The following TOX4 variants were observed in gnomAD, a reference collection of about 807,000 sequenced individuals.
TOX4 encodes the protein epidermal Langerhans cell protein LCP1.
TOX4 carries 12 observed loss-of-function variants against 61.0 expected under a neutral mutation model. That is an observed-to-expected ratio of 0.20 (90% CI 0.13 to 0.32). The LOEUF (loss-of-function observed/expected upper bound fraction) is 0.32. Among genes scored for constraint, TOX4 ranks in the 10% least tolerant of loss-of-function variants. The probability of loss-of-function intolerance (pLI) is 1.00; values close to 1 mark genes in which losing one functional copy is unlikely to be tolerated. For missense variants in TOX4, 499 were observed against 753.3 expected, an observed-to-expected ratio of 0.66 and a Z score of 3.95; for synonymous variants, 268 against 274.8, an observed-to-expected ratio of 0.98 and a Z score of 0.24.
chr14:21,485,348 G>A lies in TOX4; in HGVS notation c.76-2103G>A, dbSNP rs1476854087. 4.7e-5 allele frequency among the ~76,000 whole-genome samples: 5 copies of A among 105,358 alleles called. 1 individual carries two copies. Among genetic ancestry groups the A allele is most frequent in the African/African-American group, 1.8e-4 (5 of 27,764 alleles). The allele number at this position is 105,358 out of a possible 152,430, so 69.1% of individuals were successfully genotyped here. ...GAGAATCACTTGAACCTGGGAGGCG[G>A]AGGTTGCGGTGAGCTGAGATCACGC... On this transcript the variant is annotated intron_variant, in intron 2 of 8. Coordinates refer to ENST00000448790, the MANE Select transcript of TOX4 (RefSeq NM_014828.4).
In TOX4 at chr14:21,497,198, A is replaced by G. The variant is rs1269341600; in HGVS notation, c.*592A>G. 2 of 152,342 alleles carry G rather than the reference A, an allele frequency of 1.3e-5. No homozygotes were observed. The highest frequency in any genetic ancestry group is 2.9e-5 in the Non-Finnish European group (2 of 68,138). The allele number at this position is 152,342 out of a possible 1,614,324, so 9.4% of individuals were successfully genotyped here. ...TGAGTTATCACAGTTCATGAATCTA[A>G]GAGGCGGAACTCTACATCATTAGTA... On this transcript the variant is annotated 3_prime_UTR_variant, in exon 9 of 9. Transcript: ENST00000448790.
intron 7 of TOX4, among the ~76,000 whole-genome samples, chr14:21,493,513 C>T (rs1014047751): frequency 2.2e-4 from 34 of 152,146 alleles, no homozygotes; most frequent in African/African-American, 8.0e-4. Flanking sequence ...GCGATCTCGG[C>T]TCACTGCAAC....
In TOX4 at chr14:21,498,078, A is replaced by G. The variant is rs1435434458; in HGVS notation, c.*1472A>G. 2 of 584,398 alleles carry G rather than the reference A, an allele frequency of 3.4e-6. No individual in the cohort carries two copies. The highest frequency in any genetic ancestry group is 6.1e-6 in the Non-Finnish European group (2 of 329,710). The allele number at this position is 584,398 out of a possible 1,614,324, so 36.2% of individuals were successfully genotyped here. ...TACTCCCATTTCACATATAATACTG[A>G]GAGATGAGTTGCACAAGATTATACA... On this transcript the variant is annotated 3_prime_UTR_variant, in exon 9 of 9. Coordinates refer to ENST00000448790, the MANE Select transcript of TOX4 (RefSeq NM_014828.4).
chr14:21,480,658 G>A (rs1891091891), intron 2 of TOX4, among the ~76,000 whole-genome samples: 1 of 151,978 alleles, frequency 6.6e-6, no homozygotes, highest in South Asian at 2.1e-4. Flanking sequence ...ACTGTAATTA[G>A]GAACTTCCTT....
intron 7 of TOX4, 54 bp downstream of exon 7, chr14:21,493,311 T>A: frequency 2.0e-6 from 3 of 1,531,718 alleles, no homozygotes; most frequent in Non-Finnish European, 2.6e-6. Context: ...AAAATGTTTT[T>A]GGTTGACCCA....
intron 5 of TOX4, among the ~76,000 whole-genome samples, chr14:21,491,868 G>A (rs1218857723): frequency 5.9e-5 from 9 of 151,446 alleles, no homozygotes; most frequent in African/African-American, 2.2e-4. Context: ...AAAATTAGCC[G>A]GGCGTGGTGG....
intron 2 of TOX4, among the ~76,000 whole-genome samples, chr14:21,484,105 A>G (rs1891155702): frequency 1.3e-5 from 2 of 152,128 alleles, no homozygotes. Context: ...CACCACTACC[A>G]GCTGAGAACT....
intron 2 of TOX4, among the ~76,000 whole-genome samples, chr14:21,483,076 C>T (rs1891134639): frequency 6.6e-6 from 1 of 152,144 alleles, no homozygotes; most frequent in Admixed American, 6.5e-5. Context: ...TTTCCCAGTT[C>T]ATTTTATGTA....
chr14:21,496,531 CTT>C lies in TOX4; in HGVS notation c.1806-11_1806-10del, dbSNP rs778135944. 2.1e-5 allele frequency: 34 copies of C among 1,608,928 alleles called. No individual in the cohort carries two copies. The African/African-American group carries it at 3.9e-4, about 18-fold the overall frequency. ...TGTGTATAATTCTGTTTGTGTATGTCTTTTTCTCTCTTAGGGATGTATTCTTG... is the reference window on the plus strand; with the variant it reads ...TGTGTATAATTCTGTTTGTGTATGTCTTTCTCTCTTAGGGATGTATTCTTG... On this transcript the variant is annotated splice_polypyrimidine_tract_variant and intron_variant, in intron 8 of 8. Transcript: ENST00000448790.
In TOX4 at chr14:21,498,684, G is replaced by C; in HGVS notation, c.*2078G>C. ...GCTAGCAGCATGTGTTTTAAGCTCT[G>C]TTAAGGGGTGAAAGATGTAATTATT... On this transcript the variant is annotated 3_prime_UTR_variant, in exon 9 of 9. Transcript: ENST00000448790. The C allele has an allele frequency of 1.0e-5, 5 of 476,396 alleles. No individual in the cohort carries two copies. The South Asian group carries it at 1.4e-4, about 13-fold the overall frequency. 29.5% of individuals were successfully genotyped at this position (476,396 alleles called of 1,614,324 possible). A position where few individuals can be genotyped will look rare whatever the true frequency, so the allele number is the denominator to read the frequency against.
intron 2 of TOX4, among the ~76,000 whole-genome samples, chr14:21,478,718 T>C (rs983569646): frequency 3.3e-5 from 5 of 152,210 alleles, no homozygotes; most frequent in African/African-American, 1.2e-4. Context: ...GAATTGTCAG[T>C]GGCTGTTGCA....
At chr14:21,492,175 A>G in intron 5 of TOX4, 121 bp from the exon 6 acceptor site, 1 of 908,846 alleles carries the variant, frequency 1.1e-6, no homozygotes, top group Admixed American at 2.7e-5. Context: ...ATTCACTGAT[A>G]GAGGTTGTCA....
chr14:21,498,360 A>G lies in TOX4; in HGVS notation c.*1754A>G, dbSNP rs757850433. 1 of 1,614,152 alleles carries G rather than the reference A, an allele frequency of 6.2e-7. No individual in the cohort carries two copies. The highest frequency in any genetic ancestry group is 8.5e-7 in the Non-Finnish European group (1 of 1,180,022). ...GGTGGATCCCATCCAGTTGGTTTCC[A>G]AGGGTGATCCTGAAACAGTGTAAAA... On this transcript the variant is annotated 3_prime_UTR_variant, in exon 9 of 9. Transcript: ENST00000448790.
At chr14:21,488,934 T>C in intron 4 of TOX4, 84 bp downstream of exon 4, 1 of 1,553,982 alleles carries the variant, frequency 6.4e-7, no homozygotes, top group Non-Finnish European at 8.7e-7. Flanking sequence ...CAGTATTCTT[T>C]ACCCTTGCCG....
rs140254428 is a variant in TOX4 at position 21,491,508 on chromosome 14, A to G, written c.811-788A>G. 3.3e-3 allele frequency among the ~76,000 whole-genome samples: 500 copies of G among 151,418 alleles called. 1 individual carries two copies. Among genetic ancestry groups the G allele is most frequent in the African/African-American group, 0.011 (473 of 41,320 alleles). On this transcript the variant is annotated intron_variant, in intron 5 of 8. Transcript: ENST00000448790. Reference sequence around the variant, plus strand: ...CTGAGTAGCTGGACTATAGGCGCCCATCACCACGCCGGGCTAGTTTTGTTT... The same window carrying G: ...CTGAGTAGCTGGACTATAGGCGCCCGTCACCACGCCGGGCTAGTTTTGTTT...
At position 21,489,543 on chromosome 14, in the gene TOX4, C is replaced by T. The variant is rs115887584; in HGVS notation, c.810+140C>T. The T allele has an allele frequency of 2.3e-3, 1,847 of 794,454 alleles. 25 individuals are homozygous for T. The African/African-American group carries it at 0.029, about 12-fold the overall frequency. The allele number at this position is 794,454 out of a possible 1,614,324, so 49.2% of individuals were successfully genotyped here. A position where few individuals can be genotyped will look rare whatever the true frequency, so the allele number is the denominator to read the frequency against. On this transcript the variant is annotated intron_variant, in intron 5 of 8. Coordinates refer to ENST00000448790, the MANE Select transcript of TOX4 (RefSeq NM_014828.4). ...ACACTTAAATATCATCCCTTGTCTT[C>T]GAAGTTGCAGCCATACACTCACTCC...
At chr14:21,493,289 T>C in intron 7 of TOX4, 32 bp downstream of exon 7, 1 of 1,556,494 alleles carries the variant, frequency 6.4e-7, no homozygotes, top group Non-Finnish European at 8.7e-7. Flanking sequence ...TTTAGTCTAG[T>C]GGAAATGTAT....
At chr14:21,484,043 A>T (rs1460093196) in intron 2 of TOX4, among the ~76,000 whole-genome samples, 1 of 151,980 alleles carries the variant, frequency 6.6e-6, no homozygotes, top group African/African-American at 2.4e-5. Flanking sequence ...CCGACTTTTC[A>T]AGTGATCCAC....
intron 3 of TOX4, 41 bp from the exon 4 acceptor site, chr14:21,488,549 T>C (rs1891229026): frequency 6.3e-7 from 1 of 1,576,144 alleles, no homozygotes; most frequent in Admixed American, 1.7e-5. Flanking sequence ...AAGTGGTTTT[T>C]TTTATATTTA....
Sources: gnomAD v4.1 joint callset for allele counts (sites outside exome capture counted in the v4.1 genomes callset) on GRCh38, gnomAD v4.1.1 for gene constraint, MANE v1.5 for transcripts, NCBI Gene and HGNC (gene_info 2026-07-23, HGNC 2026-07-21) for gene names.